The following TBC1D2 variants were observed in gnomAD, a reference collection of about 807,000 sequenced individuals.
TBC1D2 encodes the protein TBC1 domain family member 2A.
In TBC1D2, 58 loss-of-function variants were observed where a neutral mutation model predicts 91.1. The observed-to-expected ratio is 0.64, with a 90% confidence interval of 0.52 to 0.79. The LOEUF (loss-of-function observed/expected upper bound fraction) is 0.79. Among genes scored for constraint, TBC1D2 ranks in the 30% least tolerant of loss-of-function variants. TBC1D2 has a pLI of 0.00. For missense variants in TBC1D2, 1,080 were observed against 1,208.3 expected, an observed-to-expected ratio of 0.89 and a Z score of 1.57; for synonymous variants, 482 against 511.5, an observed-to-expected ratio of 0.94 and a Z score of 0.78.
chr9:98,203,243 G>A, intron 10 of TBC1D2, 45 bp downstream of exon 10: 1 of 1,610,008 alleles, frequency 6.2e-7, no homozygotes, highest in East Asian at 2.2e-5. Flanking sequence ...CAGCTCTGGG[G>A]CACTGCCCTA....
chr9:98,199,204 A>C lies in TBC1D2; in HGVS notation c.*177T>G, dbSNP rs1191064616. On this transcript the variant is annotated 3_prime_UTR_variant, in exon 13 of 13. Coordinates refer to ENST00000465784, the MANE Select transcript of TBC1D2 (RefSeq NM_001267571.2). ...TGCCTATGAAGAAGTAGCCCAACCA[A>C]TGGCTTTGCAGCACACAATGTCCCA... is the stretch of plus-strand genomic sequence containing the variant. The C allele has an allele frequency of 2.8e-6, 2 of 712,048 alleles. No individual in the cohort carries two copies. Among genetic ancestry groups the C allele is most frequent in the African/African-American group, 1.8e-5 (1 of 55,906 alleles). The allele number at this position is 712,048 out of a possible 1,614,324, so 44.1% of individuals were successfully genotyped here.
intron 2 of TBC1D2, 79 bp downstream of exon 2, chr9:98,251,706 C>A: frequency 2.7e-6 from 4 of 1,463,566 alleles, no homozygotes; most frequent in Non-Finnish European, 3.6e-6. Context: ...GGGCTCCTCC[C>A]GCTCATTCCC....
intron 5 of TBC1D2, among the ~76,000 whole-genome samples, chr9:98,223,338 C>T (rs1223017175): frequency 6.6e-6 from 1 of 152,210 alleles, no homozygotes; most frequent in Non-Finnish European, 1.5e-5. Context: ...AAGGAAAGAG[C>T]TACCATGGAG....
rs750664947 is a variant in TBC1D2 at position 98,213,229 on chromosome 9, G to A, written c.1375-11C>T. On this transcript the variant is annotated splice_polypyrimidine_tract_variant and intron_variant, in intron 6 of 12. Transcript: ENST00000465784. ...AGCTTCCATGTCATCCTGGAGAAGA[G>A]AGTAAAATATGTTATCAGTTGGACA... is the stretch of plus-strand genomic sequence containing the variant. 9.3e-6 allele frequency: 15 copies of A among 1,614,030 alleles called. No individual in the cohort carries two copies. In the South Asian group the frequency reaches 1.5e-4, roughly 17 times the overall value.
intron 4 of TBC1D2, among the ~76,000 whole-genome samples, chr9:98,232,757 G>A (rs142321740): frequency 1.6e-3 from 245 of 152,318 alleles, no homozygotes; most frequent in African/African-American, 5.6e-3. Flanking sequence ...TCAACTCTAG[G>A]AAACTGGTGT....
chr9:98,254,075 C>T (rs1829925253), intron 1 of TBC1D2, among the ~76,000 whole-genome samples: 1 of 152,170 alleles, frequency 6.6e-6, no homozygotes, highest in Non-Finnish European at 1.5e-5. Flanking sequence ...CCAAGTCCCC[C>T]AGCCTGGTCA....
chr9:98,236,688 A>G (rs1829512102), intron 3 of TBC1D2, among the ~76,000 whole-genome samples: 1 of 152,204 alleles, frequency 6.6e-6, no homozygotes, highest in Admixed American at 6.5e-5. Flanking sequence ...ATATAAACAT[A>G]ATGTTTATCT....
rs1829302209 is a variant in TBC1D2, at chr9:98,229,007, A to G, written c.923T>C (p.Val308Ala). 7 of 1,614,214 alleles carry G rather than the reference A, an allele frequency of 4.3e-6. No homozygotes were observed. The highest frequency in any genetic ancestry group is 5.9e-6 in the Non-Finnish European group (7 of 1,180,042). Residue 308 changes from valine (V) to alanine (A), a missense_variant, in exon 5 of 13, where the codon GTG becomes GCG. Physicochemically the swap from Val to Ala is moderately conservative, Grantham distance 64. Coordinates refer to ENST00000465784, the MANE Select transcript of TBC1D2 (RefSeq NM_001267571.2). ...CAGAACCTGTTGCTCCAAGGCTGCC[A>G]CTTTCTCCTGGGCAGTTCGGTTCCG... ...ITRNRTAQEK[V>A]AALEQQVLML...
intron 9 of TBC1D2, among the ~76,000 whole-genome samples, chr9:98,204,461 A>G (rs376495324): frequency 1.3e-5 from 2 of 152,120 alleles, no homozygotes; most frequent in Non-Finnish European, 2.9e-5. Context: ...TCCTCAGAGG[A>G]CCCTGGAGAG....
chr9:98,243,203 TAAA>T (rs1366859832), intron 3 of TBC1D2, among the ~76,000 whole-genome samples: 1 of 152,102 alleles, frequency 6.6e-6, no homozygotes, highest in Non-Finnish European at 1.5e-5. Flanking sequence ...TTGCACAAGT[TAAA>T]AATGAGTAAT....
intron 9 of TBC1D2, among the ~76,000 whole-genome samples, chr9:98,207,900 G>A (rs945970354): frequency 6.6e-6 from 1 of 152,208 alleles, no homozygotes; most frequent in Non-Finnish European, 1.5e-5. Context: ...GACAGCAGCT[G>A]CCTTGGCTTC....
At chr9:98,236,050 A>T (rs1333614088) in intron 3 of TBC1D2, among the ~76,000 whole-genome samples, 1 of 152,076 alleles carries the variant, frequency 6.6e-6, no homozygotes, top group Non-Finnish European at 1.5e-5. Context: ...GAGGAAAAAA[A>T]AAAATCAGGG....
At position 98,251,844 on chromosome 9, in the gene TBC1D2, G is replaced by C; in HGVS notation, c.452C>G (p.Pro151Arg). Residue 151 changes from proline (P) to arginine (R), a missense_variant, in exon 2 of 13, where the codon CCT becomes CGT. By Grantham distance (103) the Pro-to-Arg change is moderately radical (BLOSUM62 -2). Coordinates refer to ENST00000465784, the MANE Select transcript of TBC1D2 (RefSeq NM_001267571.2). Reference protein sequence around the residue: ...RWEFHNSPPAPPATPDAALAG... With the variant: ...RWEFHNSPPARPATPDAALAG... ...CAGGGCGGCATCAGGGGTGGCAGGA[G>C]GTGCCGGCGGGCTGTTGTGGAATTC... The C allele has an allele frequency of 6.2e-7, 1 of 1,605,542 alleles. No individual in the cohort carries two copies. Among genetic ancestry groups the C allele is most frequent in the East Asian group, 2.3e-5 (1 of 43,912 alleles).
At chr9:98,203,994 G>A (rs1828581835) in intron 9 of TBC1D2, among the ~76,000 whole-genome samples, 1 of 152,154 alleles carries the variant, frequency 6.6e-6, no homozygotes, top group South Asian at 2.1e-4. Flanking sequence ...CATTTAGGAG[G>A]TGCTCAATGC....
chr9:98,247,049 C>T (rs946509744), intron 2 of TBC1D2, among the ~76,000 whole-genome samples: 7 of 151,908 alleles, frequency 4.6e-5, no homozygotes. Flanking sequence ...AATCAAGGGC[C>T]GGGCGCAGTG....
At chr9:98,226,693 C>T (rs1829240332) in intron 5 of TBC1D2, among the ~76,000 whole-genome samples, 1 of 152,214 alleles carries the variant, frequency 6.6e-6, no homozygotes, top group Non-Finnish European at 1.5e-5. Flanking sequence ...TAAATCACAA[C>T]TCATTCTCCT....
At position 98,238,489 on chromosome 9, in the gene TBC1D2, T is replaced by C. The variant is rs186125887; in HGVS notation, c.648-4940A>G. 2.9e-5 allele frequency among the ~76,000 whole-genome samples: 4 copies of C among 137,022 alleles called. 1 individual carries two copies. Among genetic ancestry groups the C allele is most frequent in the Non-Finnish European group, 5.9e-5 (4 of 67,666 alleles). 89.9% of individuals were successfully genotyped at this position (137,022 alleles called of 152,430 possible). Reference sequence around the variant, plus strand: ...TTTCTTAGCTCTAATAGTTTTTCCTTAGGATTTTCTGTAAACAAATATCAT... The same window carrying C: ...TTTCTTAGCTCTAATAGTTTTTCCTCAGGATTTTCTGTAAACAAATATCAT... On this transcript the variant is annotated intron_variant, in intron 3 of 12. Transcript: ENST00000465784.
At chr9:98,205,936 G>A (rs1234708453) in intron 9 of TBC1D2, among the ~76,000 whole-genome samples, 1 of 151,804 alleles carries the variant, frequency 6.6e-6, no homozygotes, top group Non-Finnish European at 1.5e-5. Context: ...TGGGTTTAGA[G>A]CCTCCAAAAG....
intron 6 of TBC1D2, among the ~76,000 whole-genome samples, chr9:98,214,757 G>T (rs1488932532): frequency 6.6e-6 from 1 of 152,208 alleles, no homozygotes; most frequent in Non-Finnish European, 1.5e-5. Flanking sequence ...GGTCTCCCCA[G>T]GCTGGAAGCT....
Sources: allele counts gnomAD v4.1 joint callset (sites outside exome capture counted in the v4.1 genomes callset), GRCh38; gene constraint gnomAD v4.1.1; transcripts MANE v1.5; gene names NCBI Gene and HGNC (gene_info 2026-07-23, HGNC 2026-07-21).